Variants in ZBTB46 observed in about 807,000 individuals in gnomAD.
ZBTB46 encodes zinc finger and BTB domain-containing protein 46.
A neutral mutation model predicts 44.1 loss-of-function variants in ZBTB46; 8 were observed. The observed-to-expected ratio is 0.18, with a 90% CI of 0.11 to 0.33. The LOEUF is 0.33. Among genes scored for constraint, ZBTB46 ranks in the 10% least tolerant of loss-of-function variants. The pLI, the probability that ZBTB46 is intolerant of heterozygous loss-of-function variation, is 1.00. For missense variants in ZBTB46, 651 were observed against 847.7 expected, an observed-to-expected ratio of 0.77 and a Z score of 2.88; for synonymous variants, 409 against 382.3, an observed-to-expected ratio of 1.07 and a Z score of -0.81.
chr20:63,772,996 A>G (rs1173454928), intron 3 of ZBTB46, among the ~76,000 whole-genome samples: 1 of 152,180 alleles, frequency 6.6e-6, no homozygotes, highest in Non-Finnish European at 1.5e-5. Context: ...TGCCAGGGCC[A>G]CCAAGGCCGA....
upstream of ZBTB46, among the ~76,000 whole-genome samples, chr20:63,832,476 C>G (rs555394719): frequency 6.6e-6 from 1 of 152,206 alleles, no homozygotes; most frequent in East Asian, 1.9e-4. This position sits in a 1 kb window ranked among gnomAD's most constrained non-coding sequence, Gnocchi z 5.0. Context: ...AGGCGGCGGC[C>G]CTATGGGTGC....
At chr20:63,822,356 C>T (rs922814748) in intron 1 of ZBTB46, among the ~76,000 whole-genome samples, 1 of 152,154 alleles carries the variant, frequency 6.6e-6, no homozygotes, top group Non-Finnish European at 1.5e-5. Context: ...TTGTATGTGA[C>T]ACGGGCCCCC....
intron 3 of ZBTB46, among the ~76,000 whole-genome samples, chr20:63,755,964 G>GT (rs1288527589): frequency 2.6e-5 from 4 of 152,188 alleles, no homozygotes; most frequent in African/African-American, 9.7e-5. Flanking sequence ...ACTGAGAAGC[G>GT]ATGCTATCAG....
chr20:63,750,613 T>A (rs1436047930), intron 4 of ZBTB46, among the ~76,000 whole-genome samples: 1 of 151,922 alleles, frequency 6.6e-6, no homozygotes, highest in East Asian at 1.9e-4. Context: ...AGGACAAAAA[T>A]CCCAGCCCTG....
intron 1 of ZBTB46, among the ~76,000 whole-genome samples, chr20:63,797,630 G>C (rs1192887151): frequency 6.6e-6 from 1 of 152,210 alleles, no homozygotes. Context: ...CAGTGTGAAA[G>C]TGTTCCTATT....
chr20:63,831,808 T>C (rs1018820806), upstream of ZBTB46, among the ~76,000 whole-genome samples: 10 of 150,800 alleles, frequency 6.6e-5, no homozygotes, highest in Non-Finnish European at 1.3e-4. Flanking sequence ...GCGGTTGCAC[T>C]GCGCGCGTCT....
Position 63,790,796 on chromosome 20 carries a change from G to A in ZBTB46, c.-33-6C>T. ...TGTCGCCTCTTCTACAGACTCTGTG[G>A]AGGTAAGAACAAGAGTTACCCAAGC... On this transcript the variant is annotated splice_polypyrimidine_tract_variant and splice_region_variant and intron_variant, in intron 1 of 4. Coordinates refer to ENST00000245663, the MANE Select transcript of ZBTB46 (RefSeq NM_001369741.1). 6.5e-7 allele frequency: 1 copy of A among 1,546,404 alleles called. No homozygotes were observed.
intron 2 of ZBTB46, among the ~76,000 whole-genome samples, chr20:63,776,803 C>CAAA (rs35399406): frequency 4.6e-5 from 6 of 131,846 alleles, no homozygotes; most frequent in Admixed American, 1.5e-4. Context: ...CGCTCTGTCT[C>CAAA]AAAAAAAAAA....
chr20:63,781,620 G>A (rs1179140922), intron 2 of ZBTB46, among the ~76,000 whole-genome samples: 6 of 152,060 alleles, frequency 3.9e-5, no homozygotes, highest in South Asian at 2.1e-4. Context: ...GCCAAACCCC[G>A]TCTCTACTAA....
rs781487673 is a variant in ZBTB46, at chr20:63,746,945, G to A, written c.1755C>T (p.Phe585=). The A allele has an allele frequency of 1.1e-5, 18 of 1,568,470 alleles. No homozygotes were observed. Among genetic ancestry groups the A allele is most frequent in the Middle Eastern group, 1.7e-4 (1 of 5,868 alleles). Residue 585 remains phenylalanine (F), a synonymous_variant, in exon 5 of 5, where the codon TTC becomes TTT. Coordinates refer to ENST00000245663, the MANE Select transcript of ZBTB46 (RefSeq NM_001369741.1). ...GCGGGCGGGCCTAGGAGAGCCAGGC[G>A]AAGTCCTTGTCAGGGCCTCCTGGGG... ...RSPPGGPDKD[F]AWLS
At chr20:63,795,424 A>T (rs1243627269) in intron 1 of ZBTB46, among the ~76,000 whole-genome samples, 1 of 152,252 alleles carries the variant, frequency 6.6e-6, no homozygotes, top group South Asian at 2.1e-4. Flanking sequence ...CGGTGCAGTT[A>T]CATTGTGCAG....
intron 3 of ZBTB46, among the ~76,000 whole-genome samples, chr20:63,766,534 CA>C (rs11434220): frequency 2.5e-3 from 332 of 130,454 alleles, no homozygotes; most frequent in Admixed American, 3.5e-3. Flanking sequence ...CCATTTTGAC[CA>C]AAAAAAAAAA....
intron 3 of ZBTB46, among the ~76,000 whole-genome samples, chr20:63,773,105 C>T (rs1177298242): frequency 2.0e-5 from 3 of 152,156 alleles, no homozygotes; most frequent in Non-Finnish European, 2.9e-5. Flanking sequence ...CCGTGCCCTC[C>T]GACCCCATCT....
intron 1 of ZBTB46, among the ~76,000 whole-genome samples, chr20:63,797,091 T>C (rs2145960345): frequency 6.6e-6 from 1 of 152,286 alleles, no homozygotes; most frequent in African/African-American, 2.4e-5. Flanking sequence ...ATGTGCCATG[T>C]TGGTGTGCTG....
chr20:63,818,026 A>G (rs912511845), intron 1 of ZBTB46, among the ~76,000 whole-genome samples: 6 of 152,180 alleles, frequency 3.9e-5, no homozygotes, highest in Admixed American at 1.3e-4. Flanking sequence ...TCGCCCAAAC[A>G]GCAAGCTCAC....
chr20:63,830,453 G>A (rs1425981241), intron 1 of ZBTB46, among the ~76,000 whole-genome samples: 1 of 150,474 alleles, frequency 6.6e-6, no homozygotes, highest in African/African-American at 2.4e-5. Flanking sequence ...AGGCCCCTGC[G>A]CCCCGGTTCG....
intron 2 of ZBTB46, among the ~76,000 whole-genome samples, chr20:63,782,486 A>G (rs2092479117): frequency 6.6e-6 from 1 of 152,216 alleles, no homozygotes; most frequent in South Asian, 2.1e-4. Context: ...CAGACTTCAG[A>G]GAACCGTGAG....
intron 1 of ZBTB46, among the ~76,000 whole-genome samples, chr20:63,812,786 A>C (rs1271675056): frequency 6.6e-6 from 1 of 151,940 alleles, no homozygotes; most frequent in African/African-American, 2.4e-5. Flanking sequence ...TCAAAACAAA[A>C]AACAAAACAA....
intron 2 of ZBTB46, among the ~76,000 whole-genome samples, chr20:63,776,502 G>A (rs562911020): frequency 3.9e-5 from 6 of 152,256 alleles, no homozygotes; most frequent in African/African-American, 1.4e-4. Context: ...GTGCTTCAAA[G>A]GATACTACCA....
Sources: allele counts gnomAD v4.1 joint callset (sites outside exome capture counted in the v4.1 genomes callset), GRCh38; gene constraint gnomAD v4.1.1; non-coding constraint Gnocchi (gnomAD v3.1); transcripts MANE v1.5; gene names NCBI Gene and HGNC (gene_info 2026-07-23, HGNC 2026-07-21).